Variants in CTNNA2 observed in about 807,000 individuals in gnomAD.
CTNNA2 encodes catenin alpha-2.
In CTNNA2, 42 loss-of-function variants were observed where a neutral mutation model predicts 101.0. The observed-to-expected ratio is 0.42, with a 90% CI of 0.32 to 0.54. The LOEUF is 0.54. CTNNA2 is among the 20% of genes least tolerant of loss of function. The probability of loss-of-function intolerance (pLI) is 0.14; values close to 1 mark genes in which losing one functional copy is unlikely to be tolerated. For synonymous variants in CTNNA2, 450 were observed against 456.4 expected (o/e 0.99, Z 0.18); for missense variants, 871 against 1,223.1 (o/e 0.71, Z 4.29).
chr2:80,062,294 T>C (rs1203325787), intron 7 of CTNNA2, among the ~76,000 whole-genome samples: 1 of 152,242 alleles, frequency 6.6e-6, no homozygotes, highest in East Asian at 1.9e-4. Flanking sequence ...GTAGTCTTAT[T>C]CTCTGCCCTT....
chr2:80,519,092 A>T (rs919279278), intron 9 of CTNNA2, among the ~76,000 whole-genome samples: 1 of 152,104 alleles, frequency 6.6e-6, no homozygotes. Context: ...ATAAGGGAAT[A>T]CAAGAATAAA....
Position 79,628,297 on chromosome 2 carries a change from C to T in CTNNA2, c.-5-23255C>T, listed in dbSNP as rs145730923. Among the ~76,000 whole-genome samples, 15 of 151,962 alleles carry T rather than the reference C, an allele frequency of 9.9e-5. No homozygotes were observed. In the East Asian group the frequency reaches 2.3e-3, roughly 24 times the overall value. Reference sequence around the variant, plus strand: ...TGAAACTCCATCTCTACTAAAAATACGAAAAATTAGCCAGGTGTGGTGGCG... The same window carrying T: ...TGAAACTCCATCTCTACTAAAAATATGAAAAATTAGCCAGGTGTGGTGGCG... On this transcript the variant is annotated intron_variant, in intron 1 of 18. Coordinates refer to ENST00000402739, the MANE Select transcript of CTNNA2 (RefSeq NM_001282597.3).
intron 2 of CTNNA2, among the ~76,000 whole-genome samples, chr2:79,279,428 G>A (rs1331088700): frequency 4.6e-5 from 7 of 152,070 alleles, no homozygotes; most frequent in East Asian, 1.9e-4. Context: ...TGGGGTCTGC[G>A]CAGGTGAGTC....
In CTNNA2 at chr2:79,837,593, T is replaced by C. The variant is rs190177196; in HGVS notation, c.299-20420T>C. 5.9e-5 allele frequency among the ~76,000 whole-genome samples: 9 copies of C among 152,298 alleles called. No individual in the cohort carries two copies. The East Asian group carries it at 1.7e-3, about 29-fold the overall frequency. On this transcript the variant is annotated intron_variant, in intron 3 of 18. Transcript: ENST00000402739. ...GCATGGCAGAGGTGTATATTGAAGA[T>C]GCAATCGTTGATTTTTTTTTTCAGG... is the stretch of plus-strand genomic sequence containing the variant.
At position 80,103,360 on chromosome 2, in the gene CTNNA2, T is replaced by C. The variant is rs916572332; in HGVS notation, c.1056+193563T>C. ...ACAGAAATAGAATTCTGGTGTCTCT[T>C]AATCGTCTTAGAAGGACACGAGTCC... is the stretch of plus-strand genomic sequence containing the variant. On this transcript the variant is annotated intron_variant, in intron 7 of 18. Coordinates refer to ENST00000402739, the MANE Select transcript of CTNNA2 (RefSeq NM_001282597.3). 3.3e-5 allele frequency among the ~76,000 whole-genome samples: 5 copies of C among 152,152 alleles called. No individual in the cohort carries two copies. The South Asian group carries it at 6.2e-4, about 19-fold the overall frequency.
intron 18 of CTNNA2, among the ~76,000 whole-genome samples, chr2:80,623,740 A>T (rs1573489061): frequency 6.6e-6 from 1 of 151,810 alleles, no homozygotes; most frequent in African/African-American, 2.4e-5. Context: ...GTAATTAACT[A>T]CCCCATCCCA....
At chr2:79,732,455 T>C (rs1168976090) in intron 2 of CTNNA2, among the ~76,000 whole-genome samples, 2 of 152,046 alleles carry the variant, frequency 1.3e-5, no homozygotes, top group Non-Finnish European at 2.9e-5. Context: ...AATGTTATAA[T>C]AGAAATATTT....
chr2:80,163,483 C>T (rs1169263559), intron 7 of CTNNA2, among the ~76,000 whole-genome samples: 2 of 151,868 alleles, frequency 1.3e-5, no homozygotes, highest in Non-Finnish European at 1.5e-5. Flanking sequence ...TGTATGATTT[C>T]AATTTTTTTT....
intron 7 of CTNNA2, among the ~76,000 whole-genome samples, chr2:80,124,993 C>A (rs1179501871): frequency 6.6e-6 from 1 of 152,176 alleles, no homozygotes; most frequent in Admixed American, 6.5e-5. Flanking sequence ...AAGGGACAAT[C>A]GGTGCTGATT....
Position 80,647,566 on chromosome 2 carries a change from C to A in CTNNA2, c.2575-19C>A. 3 of 1,583,554 alleles carry A rather than the reference C, an allele frequency of 1.9e-6. No individual in the cohort carries two copies. The highest frequency in any genetic ancestry group is 2.3e-5 in the South Asian group (2 of 85,810). ...GGCCTCCATTAACCCACATGTATCT[C>A]ATTCTTTTCCTACTCTAGCTGGACA... On this transcript the variant is annotated intron_variant, in intron 18 of 18. Coordinates refer to ENST00000402739, the MANE Select transcript of CTNNA2 (RefSeq NM_001282597.3).
At chr2:79,806,715 A>G (rs981555619) in intron 3 of CTNNA2, among the ~76,000 whole-genome samples, 3 of 151,850 alleles carry the variant, frequency 2.0e-5, no homozygotes, top group African/African-American at 7.3e-5. Context: ...CTGGAAAACT[A>G]GTGGTCTCTT....
intron 7 of CTNNA2, among the ~76,000 whole-genome samples, chr2:80,115,240 A>G (rs1412948843): frequency 2.0e-5 from 3 of 152,192 alleles, no homozygotes; most frequent in Non-Finnish European, 4.4e-5. Flanking sequence ...GCCAGCCTTC[A>G]TTGGCCTAAG....
At chr2:79,837,332 G>T (rs766241646) in intron 3 of CTNNA2, among the ~76,000 whole-genome samples, 1 of 152,144 alleles carries the variant, frequency 6.6e-6, no homozygotes, top group South Asian at 2.1e-4. Context: ...ACATTTTTCT[G>T]CCTGTTTATG....
chr2:80,607,054 AT>A (rs1434906452), intron 16 of CTNNA2, among the ~76,000 whole-genome samples: 1 of 151,938 alleles, frequency 6.6e-6, no homozygotes, highest in African/African-American at 2.4e-5. Context: ...AATATAAAAA[AT>A]ATCCCTTTAT....
intron 7 of CTNNA2, among the ~76,000 whole-genome samples, chr2:80,066,784 T>C (rs1239494322): frequency 6.6e-6 from 1 of 152,184 alleles, no homozygotes; most frequent in East Asian, 1.9e-4. Context: ...ATATATGCAC[T>C]TCCATGTTCA....
chr2:79,314,223 T>C (rs1349265471), intron 3 of CTNNA2, among the ~76,000 whole-genome samples: 1 of 152,152 alleles, frequency 6.6e-6, no homozygotes, highest in Non-Finnish European at 1.5e-5. Flanking sequence ...CTTGTCATTC[T>C]CTTTAGTACT....
chr2:79,965,832 AAAAAAAAAAAAAAAAAAAG>A (rs1400225721), intron 7 of CTNNA2, among the ~76,000 whole-genome samples: 5 of 143,972 alleles, frequency 3.5e-5, no homozygotes, highest in African/African-American at 1.3e-4. Flanking sequence ...TATGTCAAAA[AAAAAAAAAAAAAAAAAAAG>A]AAGAAAAGAA....
intron 7 of CTNNA2, among the ~76,000 whole-genome samples, chr2:80,307,772 G>A (rs1246744370): frequency 6.6e-6 from 1 of 152,226 alleles, no homozygotes; most frequent in Non-Finnish European, 1.5e-5. Context: ...ATAGCTGCAA[G>A]TCTAGTACTA....
chr2:79,959,989 A>G (rs764787893), intron 7 of CTNNA2, among the ~76,000 whole-genome samples: 4 of 152,232 alleles, frequency 2.6e-5, no homozygotes, highest in Admixed American at 1.3e-4. Flanking sequence ...CATGTTTAAA[A>G]GTGTCTGAGT....
Sources: gnomAD v4.1 joint callset for allele counts (sites outside exome capture counted in the v4.1 genomes callset) on GRCh38, gnomAD v4.1.1 for gene constraint, MANE v1.5 for transcripts, NCBI Gene and HGNC (gene_info 2026-07-23, HGNC 2026-07-21) for gene names.